Variants in IL12RB2 observed in about 807,000 individuals in gnomAD.
IL12RB2 encodes interleukin-12 receptor subunit beta-2.
IL12RB2 carries 82 observed loss-of-function variants against 89.4 expected under a neutral mutation model. That is an observed-to-expected ratio of 0.92 (90% CI 0.77 to 1.10). The LOEUF (loss-of-function observed/expected upper bound fraction) is 1.10. IL12RB2 is among the 50% of genes least tolerant of loss of function. IL12RB2 has a pLI of 0.00. For missense variants in IL12RB2, 963 were observed against 1,031.9 expected, an observed-to-expected ratio of 0.93 and a Z score of 0.92; for synonymous variants, 368 against 370.1, an observed-to-expected ratio of 0.99 and a Z score of 0.07.
In IL12RB2 at chr1:67,321,770, G is replaced by C. The variant is rs1327550018; in HGVS notation, c.245G>C (p.Gly82Ala). The change falls in exon 4 of 17, where the codon GGC becomes GCC. Residue 82 changes from glycine (G) to alanine (A), a missense_variant. Physicochemically the swap from Gly to Ala is moderately conservative, Grantham distance 60. Coordinates refer to ENST00000674203, the MANE Select transcript of IL12RB2 (RefSeq NM_001374259.2). ...GACAGAAGAATCAATTTTCACCATG[G>C]CCACTCCCTCAATTCTCAAGTCACA... The part of the protein sequence containing the change: ...KFDRRINFHH[G>A]HSLNSQVTGL... 1 of 1,611,222 alleles carries C rather than the reference G, an allele frequency of 6.2e-7. No homozygotes were observed. Among genetic ancestry groups the C allele is most frequent in the Non-Finnish European group, 8.5e-7 (1 of 1,177,586 alleles).
intron 9 of IL12RB2, among the ~76,000 whole-genome samples, chr1:67,346,479 T>C (rs1359312329): frequency 6.8e-6 from 1 of 147,536 alleles, no homozygotes; most frequent in Admixed American, 6.9e-5. Flanking sequence ...CTCTGCCTCC[T>C]GGGTTCAAGC....
In IL12RB2 at chr1:67,350,976, C is replaced by T. The variant is rs1442144063; in HGVS notation, c.1145C>T (p.Ser382Phe). 5 of 1,614,160 alleles carry T rather than the reference C, an allele frequency of 3.1e-6. No individual in the cohort carries two copies. The highest frequency in any genetic ancestry group is 1.7e-5 in the Admixed American group (1 of 60,014). The change falls in exon 10 of 17, where the codon TCC becomes TTC. Residue 382 changes from serine (S) to phenylalanine (F), a missense_variant. Coordinates refer to ENST00000674203, the MANE Select transcript of IL12RB2 (RefSeq NM_001374259.2). ...AMTQNITGHT[S>F]WTTVIPRTGN... Reference sequence around the variant, plus strand: ...ACACAGAACATCACAGGACACACCTCCTGGACCACAGTCATTCCTAGAACC... The same window carrying T: ...ACACAGAACATCACAGGACACACCTTCTGGACCACAGTCATTCCTAGAACC...
intron 9 of IL12RB2, among the ~76,000 whole-genome samples, chr1:67,343,169 C>G (rs1659841678): frequency 8.1e-6 from 1 of 123,876 alleles, no homozygotes; most frequent in Non-Finnish European, 1.7e-5. Flanking sequence ...CTCACTGCAG[C>G]CTTCACCTCC....
intron 1 of IL12RB2, among the ~76,000 whole-genome samples, chr1:67,311,224 G>A (rs1472023346): frequency 6.6e-6 from 1 of 152,162 alleles, no homozygotes; most frequent in Non-Finnish European, 1.5e-5. Flanking sequence ...GCGTAAACAT[G>A]GTTCAATGCC....
chr1:67,313,492 T>G (rs1384925838), intron 1 of IL12RB2, among the ~76,000 whole-genome samples: 2 of 152,178 alleles, frequency 1.3e-5, no homozygotes, highest in East Asian at 3.8e-4. Context: ...TGCTATTGAT[T>G]ACAAGCAGCC....
At chr1:67,325,803 C>A (rs1657204791) in intron 4 of IL12RB2, among the ~76,000 whole-genome samples, 2 of 151,874 alleles carry the variant, frequency 1.3e-5, no homozygotes, top group Non-Finnish European at 2.9e-5. Flanking sequence ...TTTTATCTAA[C>A]CTAAAGGAAA....
chr1:67,372,991 A>T (rs750000736), intron 13 of IL12RB2, among the ~76,000 whole-genome samples: 26 of 152,260 alleles, frequency 1.7e-4, no homozygotes, highest in Non-Finnish European at 2.6e-4. Flanking sequence ...AATATGTGTT[A>T]TGTGCCAAGC....
chr1:67,316,659 A>T (rs10158425), intron 2 of IL12RB2, among the ~76,000 whole-genome samples: 18,798 of 151,962 alleles, frequency 0.12, 1,322 homozygotes, highest in East Asian at 0.17. Context: ...TTTCTCCAAC[A>T]GCCCTGACCT....
Position 67,326,746 on chromosome 1 carries a change from CA to C in IL12RB2, c.377del (p.Gln126ArgfsTer36). 2 of 1,613,112 alleles carry C rather than the reference CA, an allele frequency of 1.2e-6. No individual in the cohort carries two copies. Among genetic ancestry groups the C allele is most frequent in the Non-Finnish European group, 1.7e-6 (2 of 1,179,432 alleles). ...AEIFVGVAPE[Q>X]PQNLSCIQKG... ...TTTTCTTTTTAAAGTTGCTCCAGAACAGCCTCAAAATTTATCCTGCATACAG... is the reference window on the plus strand; with the variant it reads ...TTTTCTTTTTAAAGTTGCTCCAGAACGCCTCAAAATTTATCCTGCATACAG... On this transcript the variant is annotated frameshift_variant, in exon 5 of 17. Coordinates refer to ENST00000674203, the MANE Select transcript of IL12RB2 (RefSeq NM_001374259.2). LOFTEE classifies it high-confidence loss of function.
intron 15 of IL12RB2, among the ~76,000 whole-genome samples, chr1:67,388,289 G>A (rs72678553): frequency 1.7e-4 from 26 of 152,298 alleles, no homozygotes; most frequent in Non-Finnish European, 3.1e-4. Flanking sequence ...AGAAGGAGGG[G>A]AAAATGAATA....
At chr1:67,309,249 T>C (rs749655161) in intron 1 of IL12RB2, among the ~76,000 whole-genome samples, 3 of 152,210 alleles carry the variant, frequency 2.0e-5, no homozygotes, top group Non-Finnish European at 4.4e-5. Context: ...AAAAACATGG[T>C]GAAATTGTTA....
At chr1:67,360,998 G>C (rs139778130) in intron 10 of IL12RB2, among the ~76,000 whole-genome samples, 3 of 152,120 alleles carry the variant, frequency 2.0e-5, no homozygotes, top group Non-Finnish European at 4.4e-5. Flanking sequence ...TATTCTTCTA[G>C]GTGGGAGAAG....
chr1:67,331,479 G>A (rs1410651776), intron 8 of IL12RB2, among the ~76,000 whole-genome samples: 2 of 152,176 alleles, frequency 1.3e-5, no homozygotes, highest in African/African-American at 2.4e-5. Flanking sequence ...AAATGCCTAT[G>A]TAAACTTTAT....
At chr1:67,368,696 G>T (rs1002834660) in intron 11 of IL12RB2, among the ~76,000 whole-genome samples, 1 of 152,170 alleles carries the variant, frequency 6.6e-6, no homozygotes, top group African/African-American at 2.4e-5. Context: ...GTGGTTTAAA[G>T]TTCTGGCTCT....
At chr1:67,331,719 A>G (rs944466372) in intron 8 of IL12RB2, among the ~76,000 whole-genome samples, 2 of 152,106 alleles carry the variant, frequency 1.3e-5, no homozygotes, top group African/African-American at 4.8e-5. Context: ...CGTGCCTGTA[A>G]TCCCAGCCAT....
chr1:67,322,453 A>G (rs1656682866), intron 4 of IL12RB2, among the ~76,000 whole-genome samples: 1 of 151,958 alleles, frequency 6.6e-6, no homozygotes, highest in African/African-American at 2.4e-5. Context: ...AAAAAAAAAA[A>G]AAAAAAATCT....
chr1:67,352,737 T>C (rs1020698936), intron 10 of IL12RB2, among the ~76,000 whole-genome samples: 5 of 152,238 alleles, frequency 3.3e-5, no homozygotes, highest in South Asian at 4.2e-4. Flanking sequence ...AAAAGAAGTA[T>C]AAAAGGAGCA....
chr1:67,368,969 G>A (rs909180571), intron 11 of IL12RB2, among the ~76,000 whole-genome samples: 3 of 152,132 alleles, frequency 2.0e-5, no homozygotes, highest in Non-Finnish European at 4.4e-5. Flanking sequence ...AGGTTTTCAA[G>A]CTCTAAATCC....
At chr1:67,317,394 A>T (rs866134962) in intron 2 of IL12RB2, among the ~76,000 whole-genome samples, 13 of 152,338 alleles carry the variant, frequency 8.5e-5, no homozygotes, top group African/African-American at 2.9e-4. Context: ...ATCCATCCCC[A>T]GCTTTTAGAA....
Sources: gnomAD v4.1 joint callset for allele counts (sites outside exome capture counted in the v4.1 genomes callset) on GRCh38, gnomAD v4.1.1 for gene constraint, MANE v1.5 for transcripts, NCBI Gene and HGNC (gene_info 2026-07-23, HGNC 2026-07-21) for gene names.